Variants in MZT2A observed in about 807,000 individuals in gnomAD.
The protein encoded by MZT2A is mitotic spindle organizing protein 2A, also known as mitotic-spindle organizing protein 2A.
Under a neutral mutation model 12.4 loss-of-function variants are expected in MZT2A, and 8 were observed. The observed-to-expected ratio is 0.64, with a 90% CI of 0.38 to 1.16. The LOEUF is 1.16. Among genes scored for constraint, MZT2A ranks in the 50% most tolerant of loss-of-function variants. The pLI is 0.01. For missense variants in MZT2A, 181 were observed against 223.6 expected (o/e 0.81, Z 1.22); for synonymous variants, 88 against 107.5 (o/e 0.82, Z 1.12).
At chr2:131,469,993 A>G (rs376458741) in intron 4 of MZT2A, 13,893 of 263,280 alleles carry the variant, frequency 0.053, 2,053 homozygotes, top group African/African-American at 0.34. Context: ...TAATAGAGAC[A>G]GGGTTTCACC....
At chr2:131,478,657 C>T in intron 2 of MZT2A, 2 of 629,732 alleles carry the variant, frequency 3.2e-6, no homozygotes, top group Non-Finnish European at 5.3e-6. Context: ...TGCCTCAGCC[C>T]TGCTCAGGTG....
chr2:131,493,362 C>T (rs1202242833), upstream of MZT2A, among the ~76,000 whole-genome samples: 1 of 152,206 alleles, frequency 6.6e-6, no homozygotes, highest in Non-Finnish European at 1.5e-5. Context: ...CTCGTACACT[C>T]TGTTCTGGTC....
downstream of MZT2A, chr2:131,483,943 A>C (rs1304155760): frequency 5.7e-5 from 83 of 1,446,226 alleles, no homozygotes; most frequent in Middle Eastern, 7.4e-4. Context: ...AAAAAAAAAA[A>C]AACAGTAGAG....
chr2:131,485,807 C>T (rs2622049), intron 2 of MZT2A, among the ~76,000 whole-genome samples: 65,867 of 151,458 alleles, frequency 0.43, 16,922 homozygotes, highest in East Asian at 0.77. Context: ...TGTCTAGGGA[C>T]CCATTAGGTC....
At chr2:131,480,420 C>T (rs767050393), downstream of MZT2A, 2 of 1,588,420 alleles carry the variant, frequency 1.3e-6, no homozygotes, top group East Asian at 2.2e-5. Context: ...AGCCTCCCTG[C>T]GATTTGATGG....
intron 2 of MZT2A, among the ~76,000 whole-genome samples, chr2:131,477,845 C>G (rs1210560773): frequency 6.6e-6 from 1 of 152,162 alleles, no homozygotes; most frequent in African/African-American, 2.4e-5. Context: ...ACATATTCTT[C>G]AGAGAATTAC....
chr2:131,486,887 T>A (rs1417736606), intron 2 of MZT2A, among the ~76,000 whole-genome samples: 1 of 152,046 alleles, frequency 6.6e-6, no homozygotes, highest in Non-Finnish European at 1.5e-5. Flanking sequence ...ATCCTGGAAA[T>A]CTTCAGGAAT....
chr2:131,492,455 C>T (rs1008607090), upstream of MZT2A: 651 of 1,179,008 alleles, frequency 5.5e-4, no homozygotes, highest in East Asian at 2.0e-3. Context: ...CCCTGCAGCG[C>T]CAGCGTCTGG....
chr2:131,482,716 G>C (rs769029634), downstream of MZT2A: 1 of 1,614,060 alleles, frequency 6.2e-7, no homozygotes, highest in African/African-American at 1.3e-5. Flanking sequence ...TTGTGCACTG[G>C]TACGTGGGCG....
intron 2 of MZT2A, among the ~76,000 whole-genome samples, chr2:131,484,838 G>C (rs1678992897): frequency 6.6e-6 from 1 of 152,110 alleles, no homozygotes; most frequent in Admixed American, 6.5e-5. Context: ...GCCACAGTCT[G>C]AACGCTTGAG....
downstream of MZT2A, among the ~76,000 whole-genome samples, chr2:131,480,956 T>C (rs1024283845): frequency 6.6e-6 from 1 of 151,646 alleles, no homozygotes; most frequent in East Asian, 1.9e-4. Flanking sequence ...CAGGCTGGAG[T>C]GCAGTGGTGC....
rs1436188289 is a variant in MZT2A, at chr2:131,475,684, C to T, written c.279-3502G>A. 2.0e-5 allele frequency among the ~76,000 whole-genome samples: 3 copies of T among 152,248 alleles called. No homozygotes were observed. The East Asian group carries it at 5.8e-4, about 29-fold the overall frequency. The stretch of plus-strand genomic sequence containing the variant: ...ATTGAATCCTGCCACTTCCCAGGTG[C>T]TGGGTGGGAACAGGGAAGAGGGGGA... On this transcript the variant is annotated intron_variant and NMD_transcript_variant, in intron 2 of 4. Transcript: ENST00000427024.
At chr2:131,469,996 G>A (rs948221194) in intron 4 of MZT2A, 1 of 289,000 alleles carries the variant, frequency 3.5e-6, no homozygotes, top group Non-Finnish European at 6.7e-6. Context: ...TAGAGACAGG[G>A]TTTCACCATG....
At chr2:131,493,463 G>A (rs1244559518), upstream of MZT2A, among the ~76,000 whole-genome samples, 3 of 152,196 alleles carry the variant, frequency 2.0e-5, no homozygotes, top group African/African-American at 7.2e-5. Context: ...TCAACAGGCG[G>A]TGTGGGAGGA....
intron 2 of MZT2A, among the ~76,000 whole-genome samples, chr2:131,477,023 C>CTT (rs1337723134): frequency 2.2e-5 from 3 of 134,138 alleles, no homozygotes; most frequent in Admixed American, 7.0e-5. Flanking sequence ...CCTTTTTTTC[C>CTT]TTTCTTTTTC....
intron 2 of MZT2A, chr2:131,490,674 A>G (rs1176716726): frequency 2.9e-5 from 45 of 1,549,256 alleles, no homozygotes; most frequent in Admixed American, 3.9e-5. Flanking sequence ...GAAAACAAGG[A>G]AGAGCACCAA....
chr2:131,472,013 T>TA, intron 3 of MZT2A: 1 of 1,270,350 alleles, frequency 7.9e-7, no homozygotes, highest in Non-Finnish European at 1.0e-6. Context: ...AACAGAATCT[T>TA]ACAAAACTCT....
intron 2 of MZT2A, among the ~76,000 whole-genome samples, chr2:131,488,864 G>A (rs539929803): frequency 6.6e-6 from 1 of 152,210 alleles, no homozygotes; most frequent in African/African-American, 2.4e-5. Context: ...GAGGGGCCCA[G>A]CACTCCAGGC....
chr2:131,486,239 T>G (rs1679045899), intron 2 of MZT2A, among the ~76,000 whole-genome samples: 1 of 152,022 alleles, frequency 6.6e-6, no homozygotes, highest in African/African-American at 2.4e-5. Context: ...TGGTACAAAC[T>G]GCCATAATTC....
Sources: allele counts gnomAD v4.1 joint callset (sites outside exome capture counted in the v4.1 genomes callset), GRCh38; gene constraint gnomAD v4.1.1; transcripts MANE v1.5; gene names NCBI Gene and HGNC (gene_info 2026-07-23, HGNC 2026-07-21).